Variants in ARHGAP42 observed in about 807,000 individuals in gnomAD.
ARHGAP42 encodes Rho GTPase activating protein 42, also known as rho GTPase-activating protein 42.
Under a neutral mutation model 125.0 loss-of-function variants are expected in ARHGAP42, and 63 were observed. The ratio of observed to expected loss-of-function variants is 0.50; its 90% CI spans 0.41 to 0.62. ARHGAP42 has a LOEUF of 0.62. Ranked by LOEUF, ARHGAP42 falls within the 20% of genes least tolerant of loss-of-function variation. The pLI, the probability that ARHGAP42 is intolerant of heterozygous loss-of-function variation, is 0.00. For missense variants in ARHGAP42, 766 were observed against 1,024.2 expected (o/e 0.75, Z 3.44); for synonymous variants, 339 against 351.0 (o/e 0.97, Z 0.38).
intron 1 of ARHGAP42, among the ~76,000 whole-genome samples, chr11:100,760,628 G>C (rs1862678931): frequency 6.6e-6 from 1 of 152,020 alleles, no homozygotes; most frequent in African/African-American, 2.4e-5. Context: ...GTGAACCCAG[G>C]AGGCGGAGGT....
chr11:100,846,355 A>G (rs1457323433), intron 3 of ARHGAP42, among the ~76,000 whole-genome samples: 4 of 152,108 alleles, frequency 2.6e-5, no homozygotes, highest in Admixed American at 6.6e-5. Context: ...TGGATAGAGC[A>G]TTGTTTGAGA....
chr11:100,977,861 C>T (rs1858432382), intron 21 of ARHGAP42, among the ~76,000 whole-genome samples: 1 of 152,152 alleles, frequency 6.6e-6, no homozygotes, highest in Non-Finnish European at 1.5e-5. Flanking sequence ...TGGCATTCTT[C>T]CTGACATTTT....
At chr11:100,796,368 G>T (rs1863714526) in intron 3 of ARHGAP42, among the ~76,000 whole-genome samples, 1 of 152,146 alleles carries the variant, frequency 6.6e-6, no homozygotes, top group Non-Finnish European at 1.5e-5. Flanking sequence ...CCTGTCCTCA[G>T]ATCTCTCTAT....
At chr11:100,960,690 A>C (rs767781310) in intron 13 of ARHGAP42, among the ~76,000 whole-genome samples, 14 of 152,152 alleles carry the variant, frequency 9.2e-5, no homozygotes, top group Non-Finnish European at 1.8e-4. Flanking sequence ...AGGCAGCTAC[A>C]CTTTGCTACT....
At chr11:100,839,571 G>T (rs1357804842) in intron 3 of ARHGAP42, 1 of 152,234 alleles carries the variant, frequency 6.6e-6, no homozygotes, top group African/African-American at 2.4e-5. Flanking sequence ...TACCACTGCA[G>T]TAAAGAGTGA....
rs773860824 is a variant in ARHGAP42, at chr11:100,976,241, G to C, written c.2040G>C (p.Trp680Cys). ...ATGGACAGAAAAGCCTTGGTCTGTGGACAACTAGTCCTGAATCAAGTTCCA... is the reference window on the plus strand; with the variant it reads ...ATGGACAGAAAAGCCTTGGTCTGTGCACAACTAGTCCTGAATCAAGTTCCA... ...SSNGQKSLGL[W>C]TTSPESSSRE... The change falls in exon 20 of 24, where the codon TGG becomes TGC. Residue 680 changes from tryptophan (W) to cysteine (C), a missense_variant. This residue lies in a region of ARHGAP42 where 308 missense variants were observed against 369.7 expected (regional missense o/e 0.83). Coordinates refer to ENST00000298815, the MANE Select transcript of ARHGAP42 (RefSeq NM_152432.4). The C allele has an allele frequency of 6.4e-7, 1 of 1,551,516 alleles. No individual in the cohort carries two copies. Among genetic ancestry groups the C allele is most frequent in the Non-Finnish European group, 8.7e-7 (1 of 1,146,922 alleles).
chr11:100,930,888 A>G (rs1867562137), intron 6 of ARHGAP42, among the ~76,000 whole-genome samples: 2 of 152,184 alleles, frequency 1.3e-5, no homozygotes, highest in South Asian at 2.1e-4. Flanking sequence ...TCTTCTCCAG[A>G]TGTCTAATCT....
chr11:100,793,998 G>T (rs1863640108), intron 2 of ARHGAP42, among the ~76,000 whole-genome samples: 1 of 139,818 alleles, frequency 7.2e-6, no homozygotes, highest in Non-Finnish European at 1.5e-5. Context: ...TGGGAAGATT[G>T]CTTGAGCCTG....
At position 100,687,542 on chromosome 11, in the gene ARHGAP42, C is replaced by T. The variant is rs1020107142; in HGVS notation, c.-137C>T. 3.5e-6 allele frequency: 2 copies of T among 578,664 alleles called. No individual in the cohort carries two copies. Among genetic ancestry groups the T allele is most frequent in the Non-Finnish European group, 2.3e-6 (1 of 425,566 alleles). The allele number at this position is 578,664 out of a possible 1,614,324, so 35.8% of individuals were successfully genotyped here. A position where few individuals can be genotyped will look rare whatever the true frequency, so the allele number is the denominator to read the frequency against. ...GCGCGGCGCTCGGGGCCCGTTTCCT[C>T]CGCGCAATCAGTCCCCTCGCGTCCC... On this transcript the variant is annotated 5_prime_UTR_variant, in exon 1 of 24. Coordinates refer to ENST00000298815, the MANE Select transcript of ARHGAP42 (RefSeq NM_152432.4).
intron 1 of ARHGAP42, among the ~76,000 whole-genome samples, chr11:100,715,889 C>T (rs1341052314): frequency 6.6e-6 from 1 of 152,112 alleles, no homozygotes; most frequent in Non-Finnish European, 1.5e-5. Context: ...AAAGAACTAA[C>T]GTGGATGGTT....
At chr11:100,715,669 GTCC>G (rs1861647833) in intron 1 of ARHGAP42, among the ~76,000 whole-genome samples, 1 of 152,182 alleles carries the variant, frequency 6.6e-6, no homozygotes, top group Non-Finnish European at 1.5e-5. Context: ...GGGCTTTAGA[GTCC>G]TCCTCTGAGA....
intron 3 of ARHGAP42, among the ~76,000 whole-genome samples, chr11:100,800,592 A>G (rs2094052717): frequency 1.3e-5 from 2 of 152,182 alleles, no homozygotes; most frequent in Non-Finnish European, 2.9e-5. Context: ...TAAGCCATGG[A>G]GATGAAGGAA....
In ARHGAP42 at chr11:100,769,794, G is replaced by A. The variant is rs1381043876; in HGVS notation, c.155-549G>A. On this transcript the variant is annotated intron_variant, in intron 1 of 23. Transcript: ENST00000298815. Reference sequence around the variant, plus strand: ...CAATGAGAACATATGGCCACAGGGAGGGGAACAACATACACTGGGGCCTGT... The same window carrying A: ...CAATGAGAACATATGGCCACAGGGAAGGGAACAACATACACTGGGGCCTGT... Among the ~76,000 whole-genome samples, 3 of 140,766 alleles carry A rather than the reference G, an allele frequency of 2.1e-5. No individual in the cohort carries two copies. The Admixed American group carries it at 2.4e-4, about 11-fold the overall frequency. The allele number at this position is 140,766 out of a possible 152,430, so 92.3% of individuals were successfully genotyped here. A position where few individuals can be genotyped will look rare whatever the true frequency, so the allele number is the denominator to read the frequency against.
intron 1 of ARHGAP42, among the ~76,000 whole-genome samples, chr11:100,721,146 C>G (rs1344117804): frequency 7.5e-6 from 1 of 133,998 alleles, no homozygotes; most frequent in African/African-American, 2.5e-5. Flanking sequence ...GAGGTTCACT[C>G]TGTGTTCTAC....
rs911115580 is a variant in ARHGAP42 at position 100,990,771 on chromosome 11, A to G, written c.*1970A>G. On this transcript the variant is annotated 3_prime_UTR_variant, in exon 24 of 24. Coordinates refer to ENST00000298815, the MANE Select transcript of ARHGAP42 (RefSeq NM_152432.4). ...TATACAGCACCCTTGGTTTAAGCACACTTGCCATCATCTGGTATCCTGCTA... is the reference window on the plus strand; with the variant it reads ...TATACAGCACCCTTGGTTTAAGCACGCTTGCCATCATCTGGTATCCTGCTA... 6.6e-6 allele frequency: 1 copy of G among 152,566 alleles called. No individual in the cohort carries two copies. Among genetic ancestry groups the G allele is most frequent in the Non-Finnish European group, 1.5e-5 (1 of 68,026 alleles). The allele number at this position is 152,566 out of a possible 1,614,324, so 9.5% of individuals were successfully genotyped here. A position where few individuals can be genotyped will look rare whatever the true frequency, so the allele number is the denominator to read the frequency against.
At chr11:100,712,220 T>C (rs1271930773) in intron 1 of ARHGAP42, among the ~76,000 whole-genome samples, 2 of 152,196 alleles carry the variant, frequency 1.3e-5, no homozygotes, top group South Asian at 2.1e-4. Flanking sequence ...CGCTGCAGTA[T>C]TGCATGCAGT....
rs1861115145 is a variant in ARHGAP42 at position 100,687,944 on chromosome 11, G to A, written c.154+112G>A. The A allele has an allele frequency of 8.6e-6, 11 of 1,272,148 alleles. No individual in the cohort carries two copies. The South Asian group carries it at 1.8e-4, about 21-fold the overall frequency. The allele number at this position is 1,272,148 out of a possible 1,614,324, so 78.8% of individuals were successfully genotyped here. A position where few individuals can be genotyped will look rare whatever the true frequency, so the allele number is the denominator to read the frequency against. On this transcript the variant is annotated intron_variant, in intron 1 of 23. Coordinates refer to ENST00000298815, the MANE Select transcript of ARHGAP42 (RefSeq NM_152432.4). ...AGCTTCTTTTGTTTGAATGGATTTG[G>A]GGACAAAAGCTGAAGAGCTCCCCTG...
intron 3 of ARHGAP42, among the ~76,000 whole-genome samples, chr11:100,828,169 C>A (rs201908287): frequency 9.5e-6 from 1 of 105,228 alleles, no homozygotes; most frequent in Non-Finnish European, 2.2e-5. Context: ...TCACTTGCCG[C>A]TAAGTGCTGA....
intron 1 of ARHGAP42, among the ~76,000 whole-genome samples, chr11:100,707,690 C>G (rs1861501102): frequency 6.6e-6 from 1 of 152,214 alleles, no homozygotes; most frequent in Non-Finnish European, 1.5e-5. Context: ...CATATTCATT[C>G]AACAGATGTA....
Sources: gnomAD v4.1 joint callset for allele counts (sites outside exome capture counted in the v4.1 genomes callset) on GRCh38, gnomAD v4.1.1 for gene constraint, gnomAD v4.1.1 regional missense constraint, MANE v1.5 for transcripts, NCBI Gene and HGNC (gene_info 2026-07-23, HGNC 2026-07-21) for gene names.